The following AFF3 variants were observed in gnomAD, a reference collection of about 807,000 sequenced individuals.
AFF3 encodes AF4/FMR2 family member 3.
A neutral mutation model predicts 129.7 loss-of-function variants in AFF3; 32 were observed. The observed-to-expected ratio is 0.25, with a 90% CI of 0.19 to 0.33. The LOEUF is 0.33. Among genes scored for constraint, AFF3 ranks in the 10% least tolerant of loss-of-function variants. The pLI is 1.00. For synonymous variants in AFF3, 644 were observed against 635.4 expected, an observed-to-expected ratio of 1.01 and a Z score of -0.20; for missense variants, 1,373 against 1,592.0, an observed-to-expected ratio of 0.86 and a Z score of 2.34.
At chr2:99,841,096 A>G (rs1328483660) in intron 7 of AFF3, among the ~76,000 whole-genome samples, 3 of 152,168 alleles carry the variant, frequency 2.0e-5, no homozygotes, top group East Asian at 3.9e-4. Context: ...CACACTACAA[A>G]TACTCTTAAA....
chr2:99,906,593 G>T (rs917039074), intron 7 of AFF3, among the ~76,000 whole-genome samples: 3 of 152,148 alleles, frequency 2.0e-5, no homozygotes, highest in Non-Finnish European at 2.9e-5. Context: ...TTGACTTTAA[G>T]GAAGAGCATC....
intron 11 of AFF3, among the ~76,000 whole-genome samples, chr2:99,703,645 C>CTCT (rs546903200): frequency 6.1e-5 from 9 of 147,042 alleles, no homozygotes; most frequent in African/African-American, 2.2e-4. Flanking sequence ...TCATTTCTCT[C>CTCT]TTTTTTTTTT....
chr2:99,713,849 C>T (rs1038030716), intron 11 of AFF3, among the ~76,000 whole-genome samples: 11 of 151,968 alleles, frequency 7.2e-5, no homozygotes, highest in Non-Finnish European at 1.5e-4. Flanking sequence ...CAGGCGCCCG[C>T]TACCATGCCC....
chr2:99,791,430 G>A (rs538897590), intron 8 of AFF3, among the ~76,000 whole-genome samples: 12 of 152,214 alleles, frequency 7.9e-5, no homozygotes, highest in African/African-American at 2.9e-4. Flanking sequence ...GCACTGTTCG[G>A]GGAATAATGA....
chr2:99,601,568 C>T lies in AFF3; in HGVS notation c.1238G>A (p.Ser413Asn). 1 of 1,600,996 alleles carries T rather than the reference C, an allele frequency of 6.2e-7. No homozygotes were observed. The highest frequency in any genetic ancestry group is 1.1e-5 in the South Asian group (1 of 89,212). ...CRTSVPSSKG[S>N]SSSSSSGSSS... The stretch of plus-strand genomic sequence containing the variant: ...GCTGCCGCTGCTGCTGCTGCTGCTG[C>T]TGCCCTTGCTGGAAGGCACCGAGGT... Residue 413 changes from serine to asparagine, a missense_variant, in exon 14 of 25, where the codon AGC (serine) becomes AAC (asparagine). Ser to Asn is a conservative substitution (Grantham distance 46). Coordinates refer to ENST00000672756, the MANE Select transcript of AFF3 (RefSeq NM_001386135.1).
intron 8 of AFF3, among the ~76,000 whole-genome samples, chr2:99,827,547 G>A (rs1018921336): frequency 3.3e-5 from 5 of 151,984 alleles, no homozygotes; most frequent in Non-Finnish European, 7.4e-5. Flanking sequence ...ATGGCAGTTG[G>A]TTGAAGGGGA....
At chr2:99,859,574 C>T (rs917965277) in intron 7 of AFF3, among the ~76,000 whole-genome samples, 2 of 152,202 alleles carry the variant, frequency 1.3e-5, no homozygotes, top group Admixed American at 6.5e-5. Flanking sequence ...GATTATCCAC[C>T]ATCATCTAGA....
intron 4 of AFF3, among the ~76,000 whole-genome samples, chr2:100,015,685 T>C (rs111291133): frequency 0.015 from 2,226 of 152,330 alleles, 30 homozygotes; most frequent in Non-Finnish European, 0.018. Flanking sequence ...TCTTAATCTA[T>C]AGACATAGCT....
intron 8 of AFF3, among the ~76,000 whole-genome samples, chr2:99,808,643 A>C (rs1558870326): frequency 6.6e-6 from 1 of 152,240 alleles, no homozygotes; most frequent in Non-Finnish European, 1.5e-5. Flanking sequence ...TAACAGAATT[A>C]AGAAGTGGCT....
chr2:99,638,018 C>A (rs1013574892), intron 13 of AFF3, among the ~76,000 whole-genome samples: 1 of 151,774 alleles, frequency 6.6e-6, no homozygotes, highest in Admixed American at 6.6e-5. Flanking sequence ...TATACTTAGT[C>A]TGAGGATGAG....
rs187567545 is a variant in AFF3 at position 99,703,400 on chromosome 2, T to C, written c.1091+23677A>G. Among the ~76,000 whole-genome samples, 805 of 152,296 alleles carry C rather than the reference T, an allele frequency of 5.3e-3. 7 individuals carry two copies. Among genetic ancestry groups the C allele is most frequent in the African/African-American group, 0.019 (778 of 41,562 alleles). ...TTCTATCACAGTTTTTTTCTAGAAG[T>C]TCGAATGCATTTTGAGTTAATTTTT... is the stretch of plus-strand genomic sequence containing the variant. On this transcript the variant is annotated intron_variant, in intron 11 of 24. Coordinates refer to ENST00000672756, the MANE Select transcript of AFF3 (RefSeq NM_001386135.1).
In AFF3 at chr2:99,747,643, C is replaced by G. The variant is rs576067033; in HGVS notation, c.1003-3503G>C. ...TAAACTTTAAATTTTAACTAAAACA[C>G]CTGTGTGATTAATAACCATTATTAT... On this transcript the variant is annotated intron_variant, in intron 9 of 24. Transcript: ENST00000672756. 2.0e-5 allele frequency among the ~76,000 whole-genome samples: 3 copies of G among 152,140 alleles called. No individual in the cohort carries two copies. The East Asian group carries it at 5.8e-4, about 29-fold the overall frequency.
At chr2:100,140,798 C>T (rs1692834057) in intron 1 of AFF3, among the ~76,000 whole-genome samples, 1 of 152,146 alleles carries the variant, frequency 6.6e-6, no homozygotes, top group African/African-American at 2.4e-5. Context: ...GTGTTCTGTG[C>T]TGTTCCTCTT....
At chr2:99,683,473 A>G (rs1280622832) in intron 11 of AFF3, among the ~76,000 whole-genome samples, 1 of 151,934 alleles carries the variant, frequency 6.6e-6, no homozygotes, top group Non-Finnish European at 1.5e-5. Flanking sequence ...TTTGAGACAG[A>G]GTCTCACTTT....
intron 4 of AFF3, chr2:100,011,414 G>C (rs894297126): frequency 1.0e-5 from 8 of 776,892 alleles, no homozygotes; most frequent in Non-Finnish European, 1.9e-5. Context: ...GCACGAAGTG[G>C]CCTCATGTAA....
intron 7 of AFF3, among the ~76,000 whole-genome samples, chr2:99,859,400 C>G (rs748671484): frequency 8.5e-5 from 13 of 152,208 alleles, no homozygotes; most frequent in Non-Finnish European, 1.9e-4. Context: ...GGGCCCACTC[C>G]AGACCTACTG....
At chr2:99,823,119 C>T (rs1219591536) in intron 8 of AFF3, among the ~76,000 whole-genome samples, 1 of 152,160 alleles carries the variant, frequency 6.6e-6, no homozygotes, top group African/African-American at 2.4e-5. Context: ...CTTTGACTCA[C>T]CAGGCTCTCA....
chr2:99,554,850 G>T, intron 22 of AFF3, 118 bp from the exon 23 acceptor site: 1 of 1,162,528 alleles, frequency 8.6e-7, no homozygotes, highest in Non-Finnish European at 1.2e-6. Flanking sequence ...CAGGAAAAAG[G>T]CACCTTCAGA....
chr2:100,016,426 G>T (rs1474441514), intron 4 of AFF3, among the ~76,000 whole-genome samples: 3 of 116,330 alleles, frequency 2.6e-5, no homozygotes, highest in African/African-American at 6.0e-5. Context: ...GGTAGTGGTG[G>T]CAGTGGTGGT....
Sources: gnomAD v4.1 joint callset for allele counts (sites outside exome capture counted in the v4.1 genomes callset) on GRCh38, gnomAD v4.1.1 for gene constraint, MANE v1.5 for transcripts, NCBI Gene and HGNC (gene_info 2026-07-23, HGNC 2026-07-21) for gene names.